Variants in CSMD1 observed in about 807,000 individuals in gnomAD.
The protein encoded by CSMD1 is CUB and Sushi multiple domains 1, also known as CUB and sushi domain-containing protein 1.
Under a neutral mutation model 417.5 loss-of-function variants are expected in CSMD1, and 213 were observed. That is an observed-to-expected ratio of 0.51 (90% CI 0.46 to 0.57). The LOEUF is 0.57. Among genes scored for constraint, CSMD1 ranks in the 20% least tolerant of loss-of-function variants. CSMD1 has a pLI of 0.00. For synonymous variants in CSMD1, 2,862 were observed against 1,736.8 expected (o/e 1.65, Z -16.11); for missense variants, 6,923 against 4,529.7 (o/e 1.53, Z -15.17).
chr8:3,909,646 T>G (rs1191876412), intron 5 of CSMD1, among the ~76,000 whole-genome samples: 1 of 152,052 alleles, frequency 6.6e-6, no homozygotes, highest in Non-Finnish European at 1.5e-5. Context: ...CAGGAATGGG[T>G]GAAGAGTCAC....
rs1295971393 is a variant in CSMD1, at chr8:3,108,679, A to G, written c.6678T>C (p.Tyr2226=). 3 of 1,613,774 alleles carry G rather than the reference A, an allele frequency of 1.9e-6. No individual in the cohort carries two copies. The highest frequency in any genetic ancestry group is 2.5e-6 in the Non-Finnish European group (3 of 1,179,820). ...FSGNTALETA[Y]SSTNQVLLKF... Reference sequence around the variant, plus strand: ...TGAGCAGGACTTGGTTGGTGGAGCTATACGCCGTTTCGAGGGCTGTGTTGC... The same window carrying G: ...TGAGCAGGACTTGGTTGGTGGAGCTGTACGCCGTTTCGAGGGCTGTGTTGC... The change falls in exon 44 of 70, where the codon TAT becomes TAC. Residue 2226 remains tyrosine (Y), a synonymous_variant. Transcript: ENST00000635120.
At chr8:3,605,284 C>G (rs1397858405) in intron 8 of CSMD1, among the ~76,000 whole-genome samples, 5 of 152,160 alleles carry the variant, frequency 3.3e-5, no homozygotes, top group African/African-American at 1.2e-4. Context: ...GCCATCGCGC[C>G]CAGATGAAAG....
chr8:4,867,193 G>A (rs552012945), intron 1 of CSMD1, among the ~76,000 whole-genome samples: 17 of 152,010 alleles, frequency 1.1e-4, no homozygotes, highest in South Asian at 2.1e-4. Flanking sequence ...AAAAAATGGT[G>A]CATCGTTCCA....
intron 2 of CSMD1, among the ~76,000 whole-genome samples, chr8:4,422,767 G>A (rs969837039): frequency 5.3e-5 from 8 of 152,166 alleles, no homozygotes; most frequent in African/African-American, 1.7e-4. Flanking sequence ...CATGCATATA[G>A]ATGCAAAAAT....
At chr8:4,093,647 A>C (rs1302311779) in intron 3 of CSMD1, among the ~76,000 whole-genome samples, 1 of 152,206 alleles carries the variant, frequency 6.6e-6, no homozygotes, top group African/African-American at 2.4e-5. Context: ...TTGAGAGGAG[A>C]AAGTGAATTT....
At chr8:4,451,946 T>A (rs116377055) in intron 2 of CSMD1, among the ~76,000 whole-genome samples, 3,446 of 148,512 alleles carry the variant, frequency 0.023, 124 homozygotes, top group African/African-American at 0.081. Context: ...TATATTATTA[T>A]ATATAATATA....
At chr8:4,194,057 T>A (rs1397526038) in intron 3 of CSMD1, among the ~76,000 whole-genome samples, 1 of 152,262 alleles carries the variant, frequency 6.6e-6, no homozygotes. Context: ...AACTTTCATA[T>A]ACAAAAAATA....
intron 1 of CSMD1, among the ~76,000 whole-genome samples, chr8:4,862,614 G>A (rs972866770): frequency 2.0e-5 from 3 of 151,944 alleles, no homozygotes; most frequent in Admixed American, 6.6e-5. Context: ...ATTGGAATAC[G>A]GTTTTAGAGA....
At chr8:4,828,911 G>C (rs1182658874) in intron 1 of CSMD1, among the ~76,000 whole-genome samples, 1 of 152,040 alleles carries the variant, frequency 6.6e-6, no homozygotes, top group Non-Finnish European at 1.5e-5. Flanking sequence ...TACTTAATGT[G>C]TTCATAAAGG....
chr8:2,954,305 AC>A (rs1239964591), intron 64 of CSMD1, 37 bp from the exon 65 acceptor site: 6 of 1,274,808 alleles, frequency 4.7e-6, no homozygotes, highest in East Asian at 2.5e-5. Context: ...TTTAAAAAAA[AC>A]ATTTATTTTT....
At chr8:4,272,446 A>C (rs769518753) in intron 3 of CSMD1, among the ~76,000 whole-genome samples, 1 of 152,220 alleles carries the variant, frequency 6.6e-6, no homozygotes, top group Non-Finnish European at 1.5e-5. Flanking sequence ...AAAACTATCT[A>C]AAACCAGGAT....
At chr8:4,241,276 C>A (rs1011067784) in intron 3 of CSMD1, among the ~76,000 whole-genome samples, 1 of 152,144 alleles carries the variant, frequency 6.6e-6, no homozygotes, top group Non-Finnish European at 1.5e-5. Context: ...AATAATCTCA[C>A]CACAATTCAT....
intron 3 of CSMD1, among the ~76,000 whole-genome samples, chr8:4,190,752 A>T (rs868617029): frequency 6.6e-6 from 1 of 152,214 alleles, no homozygotes; most frequent in Non-Finnish European, 1.5e-5. Context: ...ATAACTAATT[A>T]AACAGTACTA....
intron 8 of CSMD1, among the ~76,000 whole-genome samples, chr8:3,609,930 T>A (rs940983321): frequency 7.0e-6 from 1 of 142,878 alleles, no homozygotes; most frequent in East Asian, 2.2e-4. Flanking sequence ...GCCTCCCAAG[T>A]AGCTGGGACT....
intron 3 of CSMD1, among the ~76,000 whole-genome samples, chr8:4,248,836 A>G (rs1168097876): frequency 6.6e-6 from 1 of 152,180 alleles, no homozygotes; most frequent in African/African-American, 2.4e-5. Flanking sequence ...GTATCCCAAT[A>G]GCCAAAAACA....
intron 51 of CSMD1, 113 bp from the exon 52 acceptor site, chr8:3,018,763 A>C: frequency 2.1e-6 from 2 of 932,646 alleles, no homozygotes; most frequent in South Asian, 3.5e-5. Flanking sequence ...TTTTAGTCTT[A>C]ATTTTCACTA....
chr8:4,500,108 G>A (rs537980599), intron 2 of CSMD1, among the ~76,000 whole-genome samples: 2 of 151,922 alleles, frequency 1.3e-5, no homozygotes, highest in Non-Finnish European at 2.9e-5. Flanking sequence ...GGTATAAAGA[G>A]GCTGGGAGAA....
chr8:4,220,113 C>T (rs1270458371), intron 3 of CSMD1, among the ~76,000 whole-genome samples: 1 of 152,036 alleles, frequency 6.6e-6, no homozygotes, highest in Admixed American at 6.5e-5. Context: ...CCATGCCCAG[C>T]TGATTTTTTG....
intron 1 of CSMD1, among the ~76,000 whole-genome samples, chr8:4,965,729 T>C (rs572725206): frequency 2.4e-4 from 36 of 152,300 alleles, no homozygotes; most frequent in African/African-American, 8.4e-4. Flanking sequence ...CACATTTTAA[T>C]TTTTAGAGTG....
Sources: allele counts gnomAD v4.1 joint callset (sites outside exome capture counted in the v4.1 genomes callset), GRCh38; gene constraint gnomAD v4.1.1; transcripts MANE v1.5; gene names NCBI Gene and HGNC (gene_info 2026-07-23, HGNC 2026-07-21).